ZIM2: variants seen among roughly 807,000 people sequenced by gnomAD.
ZIM2 encodes the protein zinc finger protein 656.
A neutral mutation model predicts 38.6 loss-of-function variants in ZIM2; 14 were observed. The ratio of observed to expected loss-of-function variants is 0.36; its 90% CI spans 0.24 to 0.57. ZIM2 has a LOEUF of 0.57. Among genes scored for constraint, ZIM2 ranks in the 20% least tolerant of loss-of-function variants. The probability of loss-of-function intolerance (pLI) is 0.81; values close to 1 mark genes in which losing one functional copy is unlikely to be tolerated. For missense variants in ZIM2, 680 were observed against 695.1 expected, an observed-to-expected ratio of 0.98 and a Z score of 0.24; for synonymous variants, 247 against 245.8, an observed-to-expected ratio of 1.00 and a Z score of -0.04.
chr19:56,799,902 G>C (rs1232356945), intron 9 of ZIM2, among the ~76,000 whole-genome samples: 2 of 152,282 alleles, frequency 1.3e-5, no homozygotes, highest in Admixed American at 1.3e-4. Context: ...GATGAATATA[G>C]AAAAACATGC....
chr19:56,775,469 G>A lies in ZIM2; in HGVS notation c.896C>T (p.Pro299Leu). The A allele has an allele frequency of 6.2e-7, 1 of 1,613,862 alleles. No homozygotes were observed. The highest frequency in any genetic ancestry group is 1.1e-5 in the South Asian group (1 of 91,052). ...GGTCTTGGGGTCATTCATTGTTATA[G>A]GAGTCAAAAGTTTCTCTTGGTTGCC... Reference protein sequence around the residue: ...HQGNQEKLLTPITMNDPKTLT... With the variant: ...HQGNQEKLLTLITMNDPKTLT... The change falls in exon 13 of 13, where the codon CCT becomes CTT. Residue 299 changes from proline to leucine, a missense_variant. Coordinates refer to ENST00000629319, the MANE Select transcript of ZIM2 (RefSeq NM_001387356.1).
intron 9 of ZIM2, chr19:56,812,546 T>C: frequency 1.0e-6 from 1 of 985,786 alleles, no homozygotes; most frequent in Non-Finnish European, 1.2e-6. Context: ...AACTGACTTG[T>C]GGCAGCATAA....
At chr19:56,802,531 A>G (rs10406501) in intron 9 of ZIM2, among the ~76,000 whole-genome samples, 3,184 of 152,272 alleles carry the variant, frequency 0.021, 118 homozygotes, top group African/African-American at 0.072. Flanking sequence ...AGATTTAAGG[A>G]CAATTAATGA....
intron 9 of ZIM2, among the ~76,000 whole-genome samples, chr19:56,796,896 A>G (rs1216966634): frequency 6.6e-6 from 1 of 152,198 alleles, no homozygotes; most frequent in Non-Finnish European, 1.5e-5. Context: ...AGACAAACAC[A>G]CCATCTTTGT....
chr19:56,817,588 A>G (rs755369888), intron 9 of ZIM2, 158 bp downstream of exon 9: 4 of 1,578,444 alleles, frequency 2.5e-6, no homozygotes, highest in Non-Finnish European at 3.4e-6. Context: ...ACCTGGAAAG[A>G]AACCCCAAAT....
chr19:56,778,468 C>T (rs1001241624), intron 12 of ZIM2, among the ~76,000 whole-genome samples: 8 of 152,248 alleles, frequency 5.3e-5, no homozygotes, highest in African/African-American at 1.7e-4. Flanking sequence ...GGATATAACC[C>T]GATATGGAAC....
intron 4 of ZIM2, among the ~76,000 whole-genome samples, 169 bp downstream of exon 4, chr19:56,824,093 C>T (rs1281326739): frequency 1.3e-5 from 2 of 152,126 alleles, no homozygotes; most frequent in Non-Finnish European, 2.9e-5. Context: ...GGTGGCCACA[C>T]CCAGAAAATC....
chr19:56,801,021 C>T (rs184048274), intron 9 of ZIM2, among the ~76,000 whole-genome samples: 141 of 150,960 alleles, frequency 9.3e-4, no homozygotes, highest in Non-Finnish European at 1.5e-3. Context: ...CTGCAACCTC[C>T]GCCTCCCAGG....
intron 9 of ZIM2, chr19:56,813,571 A>T (rs571182889): frequency 6.8e-7 from 1 of 1,467,462 alleles, no homozygotes; most frequent in South Asian, 1.4e-5. Flanking sequence ...TAACACACTA[A>T]GGTTAAGTCT....
intron 9 of ZIM2, 75 bp downstream of exon 9, chr19:56,817,671 A>G (rs1199126554): frequency 1.5e-4 from 237 of 1,537,388 alleles, no homozygotes; most frequent in Non-Finnish European, 2.1e-4. Context: ...ATGTTTAGGA[A>G]TGCAAAGTGT....
At chr19:56,787,815 G>C (rs1179474370) in intron 10 of ZIM2, among the ~76,000 whole-genome samples, 4 of 150,230 alleles carry the variant, frequency 2.7e-5, no homozygotes, top group Non-Finnish European at 4.4e-5. Context: ...GTTTAGTCTT[G>C]GGAGGGTGTA....
intron 1 of ZIM2, among the ~76,000 whole-genome samples, chr19:56,839,228 G>C (rs1032423268): frequency 3.3e-5 from 5 of 149,668 alleles, no homozygotes; most frequent in Middle Eastern, 3.9e-3. Flanking sequence ...AACCAACCAG[G>C]ACAGCACCTG....
intron 12 of ZIM2, 115 bp from the exon 13 acceptor site, chr19:56,775,644 CT>C (rs1283282793): frequency 1.4e-6 from 2 of 1,458,446 alleles, no homozygotes; most frequent in African/African-American, 1.4e-5. Context: ...TTTCAGGTCT[CT>C]TTTCCTAATC....
rs781622071 is a variant in ZIM2, at chr19:56,779,472, C to T, written c.740G>A (p.Gly247Glu). ...LENYRNLVSL[G>E]HQFSKPDIIS... is the part of the protein sequence containing the mutation. ...AATGTCAGGTTTAGAGAACTGGTGC[C>T]CTGTTGGAGAGGAAGACTGAGAACT... The change falls in exon 12 of 13, where the codon GGG becomes GAG. Residue 247 changes from glycine to glutamate, a missense_variant and splice_region_variant. Gly to Glu is a moderately conservative substitution (Grantham distance 98). Coordinates refer to ENST00000629319, the MANE Select transcript of ZIM2 (RefSeq NM_001387356.1). 1.9e-6 allele frequency: 3 copies of T among 1,613,596 alleles called. No individual in the cohort carries two copies. Among genetic ancestry groups the T allele is most frequent in the Non-Finnish European group, 2.5e-6 (3 of 1,179,832 alleles).
chr19:56,838,634 C>G (rs537578616), intron 1 of ZIM2, among the ~76,000 whole-genome samples: 1 of 152,218 alleles, frequency 6.6e-6, no homozygotes, highest in Non-Finnish European at 1.5e-5. Flanking sequence ...ACACAGCGAG[C>G]GCGGTGATAA....
chr19:56,817,229 G>A, intron 9 of ZIM2: 1 of 1,614,036 alleles, frequency 6.2e-7, no homozygotes, highest in South Asian at 1.1e-5. Flanking sequence ...TTTTGATCGT[G>A]AATCGAGCCC....
intron 2 of ZIM2, among the ~76,000 whole-genome samples, chr19:56,829,043 G>GA (rs1250305718): frequency 2.0e-5 from 3 of 151,836 alleles, no homozygotes; most frequent in Admixed American, 6.6e-5. Flanking sequence ...ATGATAATAA[G>GA]AAAAAAAAGC....
At chr19:56,827,639 G>A (rs1258280955) in intron 2 of ZIM2, among the ~76,000 whole-genome samples, 1 of 152,134 alleles carries the variant, frequency 6.6e-6, no homozygotes. Context: ...CTACTTCTAT[G>A]AATTTACCTC....
At chr19:56,822,465 A>G (rs1271684451) in intron 6 of ZIM2, 2 of 349,134 alleles carry the variant, frequency 5.7e-6, no homozygotes, top group African/African-American at 4.2e-5. Context: ...CAATTTTTGC[A>G]GTGGCATAGT....
Sources: gnomAD v4.1 joint callset for allele counts (sites outside exome capture counted in the v4.1 genomes callset) on GRCh38, gnomAD v4.1.1 for gene constraint, MANE v1.5 for transcripts, NCBI Gene and HGNC (gene_info 2026-07-23, HGNC 2026-07-21) for gene names.